GFRA2: variants seen among roughly 807,000 people sequenced by gnomAD.
The protein encoded by GFRA2 is GDNF family receptor alpha-2.
GFRA2 carries 17 observed loss-of-function variants against 48.3 expected under a neutral mutation model. That is an observed-to-expected ratio of 0.35 (90% CI 0.24 to 0.53). The LOEUF (loss-of-function observed/expected upper bound fraction) is 0.53. GFRA2 is among the 20% of genes least tolerant of loss of function. GFRA2 has a pLI of 0.93. For missense variants in GFRA2, 660 were observed against 637.3 expected, an observed-to-expected ratio of 1.04 and a Z score of -0.38; for synonymous variants, 305 against 257.2, an observed-to-expected ratio of 1.19 and a Z score of -1.78.
intron 6 of GFRA2, among the ~76,000 whole-genome samples, chr8:21,703,621 C>T (rs1802593838): frequency 1.3e-5 from 2 of 152,214 alleles, no homozygotes; most frequent in Non-Finnish European, 2.9e-5. Flanking sequence ...CCTTTGATCC[C>T]TCATATTGCA....
intron 7 of GFRA2, 52 bp from the exon 8 acceptor site, chr8:21,694,569 G>A: frequency 6.4e-7 from 1 of 1,562,388 alleles, no homozygotes; most frequent in South Asian, 1.2e-5. Context: ...GTTCCTGGCT[G>A]GGCTTTGTCC....
rs778680374 is a variant in GFRA2 at position 21,711,064 on chromosome 8, G to A, written c.795-5023C>T. On this transcript the variant is annotated intron_variant, in intron 4 of 8. Transcript: ENST00000524240. ...TGTCCCACTCCAGCCATGACCCCTC[G>A]CCCCAGCACTGCTAGGCAAATTTCT... is the stretch of plus-strand genomic sequence containing the variant. Among the ~76,000 whole-genome samples, 39 of 152,178 alleles carry A rather than the reference G, an allele frequency of 2.6e-4. 1 individual carries two copies. The highest frequency in any genetic ancestry group is 7.7e-4 in the African/African-American group (32 of 41,512).
intron 6 of GFRA2, among the ~76,000 whole-genome samples, chr8:21,704,636 G>A (rs1802649534): frequency 6.6e-6 from 1 of 152,180 alleles, no homozygotes; most frequent in African/African-American, 2.4e-5. Flanking sequence ...GTCGATTCCA[G>A]GGGGAAATAA....
intron 4 of GFRA2, among the ~76,000 whole-genome samples, chr8:21,734,816 C>CTGTT (rs1216154090): frequency 1.3e-5 from 2 of 152,204 alleles, no homozygotes; most frequent in African/African-American, 4.8e-5. Context: ...TATATCTCCT[C>CTGTT]TGTTTCAAGG....
At position 21,788,224 on chromosome 8, in the gene GFRA2, A is replaced by T. The variant is rs1237539169; in HGVS notation, c.-65T>A. 2 of 1,583,596 alleles carry T rather than the reference A, an allele frequency of 1.3e-6. No individual in the cohort carries two copies. The highest frequency in any genetic ancestry group is 1.4e-5 in the African/African-American group (1 of 72,844). On this transcript the variant is annotated 5_prime_UTR_variant, in exon 1 of 9. Transcript: ENST00000524240. ...GGTAAAAAAAAATAATAGTAGTAAC[A>T]ACAACAATAATAATAGGCAAGCAGT...
At chr8:21,775,093 G>C (rs905962614) in intron 2 of GFRA2, 38 bp from the exon 3 acceptor site, 84 of 1,052,994 alleles carry the variant, frequency 8.0e-5, no homozygotes, top group Non-Finnish European at 1.1e-4. Context: ...GGGCTCCTCC[G>C]GGCCAGAGCG....
intron 3 of GFRA2, among the ~76,000 whole-genome samples, chr8:21,754,739 C>A (rs1805484341): frequency 6.6e-6 from 1 of 152,126 alleles, no homozygotes; most frequent in Admixed American, 6.5e-5. Flanking sequence ...AAACTCATGA[C>A]CTCAGGTGAT....
intron 7 of GFRA2, 91 bp downstream of exon 7, chr8:21,702,714 G>C (rs540689089): frequency 1.4e-5 from 18 of 1,318,764 alleles, no homozygotes; most frequent in Non-Finnish European, 4.1e-6. Flanking sequence ...TCCAAAGGGA[G>C]GACCCTCCCT....
intron 1 of GFRA2, among the ~76,000 whole-genome samples, chr8:21,807,723 TAGA>T (rs143409245): frequency 0.013 from 1,966 of 152,156 alleles, 29 homozygotes; most frequent in South Asian, 0.048. Flanking sequence ...AGAGAAAACA[TAGA>T]AGAAGATGAC....
chr8:21,749,198 A>G (rs1750349949), intron 4 of GFRA2, among the ~76,000 whole-genome samples: 1 of 151,966 alleles, frequency 6.6e-6, no homozygotes, highest in Admixed American at 6.6e-5. Context: ...GCCAAACTTC[A>G]ACTTAGTATA....
chr8:21,736,856 C>T (rs936989410), intron 4 of GFRA2, among the ~76,000 whole-genome samples: 1 of 135,460 alleles, frequency 7.4e-6, no homozygotes. Context: ...AAGTGAATTT[C>T]ATTTTGAGAA....
chr8:21,711,686 T>G (rs1249639269), intron 4 of GFRA2, among the ~76,000 whole-genome samples: 1 of 150,444 alleles, frequency 6.6e-6, no homozygotes, highest in Non-Finnish European at 1.5e-5. Context: ...TAAACAGTTT[T>G]TCTTTTTTTT....
At chr8:21,793,238 G>T (rs1175059400), upstream of GFRA2, among the ~76,000 whole-genome samples, 2 of 152,184 alleles carry the variant, frequency 1.3e-5, no homozygotes, top group African/African-American at 4.8e-5. Context: ...TTTTGAGCAG[G>T]CAACTGACAT....
At chr8:21,758,962 T>C (rs1245028167) in intron 3 of GFRA2, among the ~76,000 whole-genome samples, 2 of 152,150 alleles carry the variant, frequency 1.3e-5, no homozygotes, top group Non-Finnish European at 2.9e-5. Flanking sequence ...CCTGCATTAG[T>C]AGCCAGTCAA....
intron 3 of GFRA2, among the ~76,000 whole-genome samples, chr8:21,763,905 AC>A (rs1806027402): frequency 6.9e-6 from 1 of 144,966 alleles, no homozygotes; most frequent in Non-Finnish European, 1.5e-5. Context: ...AAACCCAGCC[AC>A]CCCCACTCCA....
rs774492736 is a variant in GFRA2, at chr8:21,750,824, G to C, written c.558C>G (p.Asn186Lys). 1.1e-5 allele frequency: 18 copies of C among 1,613,926 alleles called. No homozygotes were observed. The Admixed American group carries it at 2.8e-4, about 25-fold the overall frequency. ...AGCGCTCGGTGGGCGAGATCTCGCG[G>C]TTGCAGATGGAGATGTAGGAGGAGC... ...KLRSSYISIC[N>K]REISPTERCN... is the part of the protein sequence containing the mutation. Residue 186 changes from asparagine (N) to lysine (K), a missense_variant, in exon 4 of 9, where the codon AAC becomes AAG. Asn to Lys is a moderately conservative substitution (Grantham distance 94, BLOSUM62 0). Transcript: ENST00000524240. The surrounding 1 kb of genome is among the most constrained non-coding windows in gnomAD (Gnocchi z 5.7).
intron 1 of GFRA2, among the ~76,000 whole-genome samples, chr8:21,787,881 C>T (rs1251687067): frequency 6.6e-6 from 1 of 152,150 alleles, no homozygotes; most frequent in East Asian, 1.9e-4. Flanking sequence ...GTCTGCGGGG[C>T]TGGTTCGGAT....
chr8:21,743,969 G>T lies in GFRA2; in HGVS notation c.794+6619C>A, dbSNP rs73554742. ...TTCTGTATAATTTCAAGATATTCAA[G>T]GACCTCTACTTTAAAGGGAGTGAAG... On this transcript the variant is annotated intron_variant, in intron 4 of 8. Coordinates refer to ENST00000524240, the MANE Select transcript of GFRA2 (RefSeq NM_001495.5). Among the ~76,000 whole-genome samples the T allele has an allele frequency of 6.0e-3, 914 of 152,290 alleles. 10 individuals carry two copies. The highest frequency in any genetic ancestry group is 0.021 in the African/African-American group (872 of 41,564).
At chr8:21,712,707 C>T (rs1156949839) in intron 4 of GFRA2, among the ~76,000 whole-genome samples, 2 of 152,328 alleles carry the variant, frequency 1.3e-5, no homozygotes, top group Admixed American at 6.5e-5. Context: ...TGCACTCCAG[C>T]CTGGGCACCA....
Sources: allele counts gnomAD v4.1 joint callset (sites outside exome capture counted in the v4.1 genomes callset), GRCh38; gene constraint gnomAD v4.1.1; non-coding constraint Gnocchi (gnomAD v3.1); transcripts MANE v1.5; gene names NCBI Gene and HGNC (gene_info 2026-07-23, HGNC 2026-07-21).